The following RICTOR variants were observed in gnomAD, a reference collection of about 807,000 sequenced individuals.
The protein encoded by RICTOR is rapamycin-insensitive companion of mTOR.
In RICTOR, 49 loss-of-function variants were observed where a neutral mutation model predicts 214.9. That is an observed-to-expected ratio of 0.23 (90% confidence interval 0.18 to 0.29). The LOEUF is 0.29. Ranked by LOEUF, RICTOR falls within the 10% of genes least tolerant of loss-of-function variation. The pLI, the probability that RICTOR is intolerant of heterozygous loss-of-function variation, is 1.00. For synonymous variants in RICTOR, 717 were observed against 711.3 expected, an observed-to-expected ratio of 1.01 and a Z score of -0.13; for missense variants, 1,625 against 2,047.0, an observed-to-expected ratio of 0.79 and a Z score of 3.98.
intron 2 of RICTOR, among the ~76,000 whole-genome samples, chr5:39,034,878 C>T (rs2150156930): frequency 6.6e-6 from 1 of 152,346 alleles, no homozygotes; most frequent in East Asian, 1.9e-4. Flanking sequence ...CTGTAGGCTC[C>T]ACCTCTGGGG....
rs547462093 is a variant in RICTOR, at chr5:38,992,064, G to C, written c.457-989C>G. Among the ~76,000 whole-genome samples the C allele has an allele frequency of 5.3e-4, 80 of 152,174 alleles. 1 individual carries two copies. The highest frequency in any genetic ancestry group is 1.9e-3 in the African/African-American group (77 of 41,558). ...AAGTCTTACAGAAGATCAAAAGAAA[G>C]ATCTGTTTGATCAGTAGTTGTAAGT... On this transcript the variant is annotated intron_variant, in intron 6 of 37. Coordinates refer to ENST00000357387, the MANE Select transcript of RICTOR (RefSeq NM_152756.5).
Position 38,954,778 on chromosome 5 carries a change from A to C in RICTOR, c.2693T>G (p.Val898Gly). Residue 898 changes from valine to glycine, a missense_variant, in exon 27 of 38, where the codon GTA becomes GGA. Coordinates refer to ENST00000357387, the MANE Select transcript of RICTOR (RefSeq NM_152756.5). Reference protein sequence around the residue: ...HHKTGCHLLEVQNIITELCRN... With the variant: ...HHKTGCHLLEGQNIITELCRN... ...ATAAGTGAATTATGTTTTTACCTGT[A>C]CTTCCAACAAATGGCAGCCTGTTTT... 1.3e-6 allele frequency: 2 copies of C among 1,570,666 alleles called. No homozygotes were observed. The highest frequency in any genetic ancestry group is 1.8e-6 in the Non-Finnish European group (2 of 1,141,968).
chr5:38,951,128 G>A (rs1235887513), intron 30 of RICTOR, among the ~76,000 whole-genome samples: 3 of 151,870 alleles, frequency 2.0e-5, no homozygotes, highest in Admixed American at 1.3e-4. Flanking sequence ...AATTCACCTT[G>A]TAAGAAATGA....
At position 38,993,958 on chromosome 5, in the gene RICTOR, A is replaced by G. The variant is rs558145207; in HGVS notation, c.456+2861T>C. 2.8e-4 allele frequency among the ~76,000 whole-genome samples: 43 copies of G among 152,274 alleles called. 1 individual carries two copies. The East Asian group carries it at 3.7e-3, about 13-fold the overall frequency. ...AGCACTCTGGGAGGCCAAGGCGGGC[A>G]GATCACGAACTCAGGAGATCAAGAC... On this transcript the variant is annotated intron_variant, in intron 6 of 37. Coordinates refer to ENST00000357387, the MANE Select transcript of RICTOR (RefSeq NM_152756.5).
At chr5:38,967,266 C>A in intron 13 of RICTOR, 39 bp from the exon 14 acceptor site, 2 of 1,599,122 alleles carry the variant, frequency 1.3e-6, no homozygotes, top group Non-Finnish European at 1.7e-6. Context: ...AATAAAGTTT[C>A]ATAGATTACA....
rs188359475 is a variant in RICTOR at position 38,948,125 on chromosome 5, C to T, written c.4137-684G>A. ...TTTCTCATACAGATTCTTACTTATG[C>T]AACAGACATGCTAAAATATTTACTT... On this transcript the variant is annotated intron_variant, in intron 31 of 37. Transcript: ENST00000357387. 2.0e-5 allele frequency among the ~76,000 whole-genome samples: 3 copies of T among 152,156 alleles called. No individual in the cohort carries two copies. In the East Asian group the frequency reaches 5.8e-4, roughly 29 times the overall value.
At position 38,949,983 on chromosome 5, in the gene RICTOR, G is replaced by A. The variant is rs2112849404; in HGVS notation, c.3865C>T (p.Pro1289Ser). Residue 1289 changes from proline to serine, a missense_variant, in exon 31 of 38, where the codon CCT becomes TCT. Around this residue, in one of 5 missense-constraint regions of RICTOR, gnomAD observed 1,214 missense variants for 1,470.5 expected, o/e 0.83. Coordinates refer to ENST00000357387, the MANE Select transcript of RICTOR (RefSeq NM_152756.5). ...LSKSNSVSLVPPGSSHTLPRR... is the reference protein window; with the variant it reads ...LSKSNSVSLVSPGSSHTLPRR... ...GGAAGCGTATGAGAAGAACCTGGAG[G>A]CACCAGGGACACCGAATTTGATTTG... 1 of 1,613,474 alleles carries A rather than the reference G, an allele frequency of 6.2e-7. No individual in the cohort carries two copies. The highest frequency in any genetic ancestry group is 8.5e-7 in the Non-Finnish European group (1 of 1,179,642).
chr5:38,972,851 C>G (rs1579960634), intron 10 of RICTOR, among the ~76,000 whole-genome samples: 1 of 127,286 alleles, frequency 7.9e-6, no homozygotes, highest in African/African-American at 3.0e-5. Flanking sequence ...TTTGAATAGT[C>G]AAATCTAGTA....
At position 38,942,275 on chromosome 5, in the gene RICTOR, A is replaced by G; in HGVS notation, c.*29T>C. 1 of 1,273,126 alleles carries G rather than the reference A, an allele frequency of 7.9e-7. No individual in the cohort carries two copies. The highest frequency in any genetic ancestry group is 1.1e-6 in the Non-Finnish European group (1 of 884,476). 78.9% of individuals were successfully genotyped at this position (1,273,126 alleles called of 1,614,324 possible). A position where few individuals can be genotyped will look rare whatever the true frequency, so the allele number is the denominator to read the frequency against. The stretch of plus-strand genomic sequence containing the variant: ...ATCCACAAATATGAATATATATAGT[A>G]TGTATCTATATCCATCATAAATATG... On this transcript the variant is annotated 3_prime_UTR_variant, in exon 38 of 38. Coordinates refer to ENST00000357387, the MANE Select transcript of RICTOR (RefSeq NM_152756.5).
chr5:39,052,875 C>CT (rs1461173460), intron 2 of RICTOR, among the ~76,000 whole-genome samples: 1 of 152,216 alleles, frequency 6.6e-6, no homozygotes, highest in Non-Finnish European at 1.5e-5. Flanking sequence ...CACCAATGAT[C>CT]TTCACCTACA....
chr5:38,945,809 C>A, intron 33 of RICTOR, 85 bp from the exon 34 acceptor site: 4 of 667,990 alleles, frequency 6.0e-6, no homozygotes, highest in East Asian at 3.0e-5. Flanking sequence ...TTAAAGAAAG[C>A]TTAAGCACAT....
chr5:39,052,217 A>T (rs1045077430), intron 2 of RICTOR, among the ~76,000 whole-genome samples: 5 of 151,946 alleles, frequency 3.3e-5, no homozygotes, highest in East Asian at 1.9e-4. Context: ...TACAAAAAAA[A>T]ATTTTTAAAT....
chr5:39,040,544 A>C (rs976994293), intron 2 of RICTOR, among the ~76,000 whole-genome samples: 6 of 152,118 alleles, frequency 3.9e-5, no homozygotes, highest in Non-Finnish European at 7.4e-5. Flanking sequence ...TACTTAGAAT[A>C]TGTTTTATAA....
intron 31 of RICTOR, among the ~76,000 whole-genome samples, chr5:38,948,521 G>A (rs1400152998): frequency 6.6e-6 from 1 of 151,808 alleles, no homozygotes; most frequent in East Asian, 1.9e-4. Flanking sequence ...CTACCTATTG[G>A]GTTTCCACAG....
intron 7 of RICTOR, among the ~76,000 whole-genome samples, chr5:38,986,492 TGAA>T: frequency 6.6e-6 from 1 of 152,288 alleles, no homozygotes; most frequent in Non-Finnish European, 1.5e-5. Context: ...AATTTAATGA[TGAA>T]GAAAAGTTTA....
intron 15 of RICTOR, among the ~76,000 whole-genome samples, chr5:38,965,601 G>T (rs1431769509): frequency 6.6e-6 from 1 of 151,856 alleles, no homozygotes; most frequent in Admixed American, 6.6e-5. Context: ...AACAGGAAAT[G>T]GTATCTTTTA....
At chr5:38,982,826 AAC>A (rs2150063651) in intron 7 of RICTOR, among the ~76,000 whole-genome samples, 1 of 151,804 alleles carries the variant, frequency 6.6e-6, no homozygotes, top group Admixed American at 6.6e-5. Flanking sequence ...ATAAACAGTT[AAC>A]AGTTTATACA....
intron 2 of RICTOR, among the ~76,000 whole-genome samples, chr5:39,064,584 A>G (rs1758770127): frequency 6.6e-6 from 1 of 152,228 alleles, no homozygotes; most frequent in Non-Finnish European, 1.5e-5. Context: ...ACAGGCAAGC[A>G]AATCATTCGC....
chr5:38,993,336 T>C (rs1752925578), intron 6 of RICTOR, among the ~76,000 whole-genome samples: 1 of 152,024 alleles, frequency 6.6e-6, no homozygotes, highest in Non-Finnish European at 1.5e-5. Context: ...ACAGCTCAAA[T>C]TAGGTGGGCA....
Sources: gnomAD v4.1 joint callset for allele counts (sites outside exome capture counted in the v4.1 genomes callset) on GRCh38, gnomAD v4.1.1 for gene constraint, gnomAD v4.1.1 regional missense constraint, MANE v1.5 for transcripts, NCBI Gene and HGNC (gene_info 2026-07-23, HGNC 2026-07-21) for gene names.